The following SNED1 variants were observed in gnomAD, a reference collection of about 807,000 sequenced individuals.
The protein encoded by SNED1 is sushi, nidogen and EGF like domains 1, also known as sushi, nidogen and EGF-like domain-containing protein 1.
Under a neutral mutation model 166.7 loss-of-function variants are expected in SNED1, and 81 were observed. The observed-to-expected ratio is 0.49, with a 90% confidence interval of 0.41 to 0.58. The LOEUF (loss-of-function observed/expected upper bound fraction) is 0.58, where lower values mean the gene tolerates loss of function less well. Among genes scored for constraint, SNED1 ranks in the 20% least tolerant of loss-of-function variants. The pLI, the probability that SNED1 is intolerant of heterozygous loss-of-function variation, is 0.00. For synonymous variants in SNED1, 762 were observed against 822.0 expected (o/e 0.93, Z 1.25); for missense variants, 1,604 against 2,000.2 (o/e 0.80, Z 3.78).
intron 8 of SNED1, among the ~76,000 whole-genome samples, chr2:241,044,882 A>G (rs1236192219): frequency 6.6e-6 from 1 of 152,176 alleles, no homozygotes; most frequent in Non-Finnish European, 1.5e-5. Context: ...TAAAAGCCGC[A>G]GCGTTTTTGC....
chr2:241,071,616 A>T lies in SNED1; in HGVS notation c.3630A>T (p.Gly1210=). ...DGADRRWHQG[G]HHPRVLKNRP... ...CTGACAGACGCTGGCACCAGGGAGGACACCACCCTCGGGTGCTCAAGAACA... is the reference window on the plus strand; with the variant it reads ...CTGACAGACGCTGGCACCAGGGAGGTCACCACCCTCGGGTGCTCAAGAACA... Residue 1210 remains glycine, a synonymous_variant, in exon 25 of 32, where the codon GGA becomes GGT. Coordinates refer to ENST00000310397, the MANE Select transcript of SNED1 (RefSeq NM_001080437.3). 6.3e-7 allele frequency: 1 copy of T among 1,587,696 alleles called. No individual in the cohort carries two copies. Among genetic ancestry groups the T allele is most frequent in the East Asian group, 2.3e-5 (1 of 44,194 alleles).
chr2:241,067,188 C>G (rs553731437), intron 21 of SNED1, among the ~76,000 whole-genome samples: 1 of 152,334 alleles, frequency 6.6e-6, no homozygotes, highest in East Asian at 1.9e-4. Flanking sequence ...TGTCCACAGA[C>G]CGGGGTGCTG....
intron 16 of SNED1, among the ~76,000 whole-genome samples, chr2:241,062,076 C>G (rs2062251725): frequency 6.6e-6 from 1 of 151,980 alleles, no homozygotes; most frequent in South Asian, 2.1e-4. Context: ...GAATAAAGTT[C>G]ATAAACAACA....
intron 16 of SNED1, among the ~76,000 whole-genome samples, 174 bp downstream of exon 16, chr2:241,053,500 GTGATGA>G (rs2061945626): frequency 6.6e-6 from 1 of 152,240 alleles, no homozygotes; most frequent in Non-Finnish European, 1.5e-5. Context: ...GGTGACAGTG[GTGATGA>G]TCACAGTCAA....
intron 18 of SNED1, 147 bp downstream of exon 18, chr2:241,063,847 T>G (rs1575029375): frequency 1.6e-6 from 1 of 640,046 alleles, no homozygotes; most frequent in Non-Finnish European, 2.6e-6. Flanking sequence ...GAGGGAGGGG[T>G]GGAGGTGAGG....
At chr2:241,046,640 G>A (rs886147261) in intron 8 of SNED1, among the ~76,000 whole-genome samples, 14 of 152,176 alleles carry the variant, frequency 9.2e-5, no homozygotes, top group Non-Finnish European at 1.9e-4. Flanking sequence ...CAGGGACTGA[G>A]GGGTAACAGG....
At chr2:240,997,978 A>G (rs2059965146), upstream of SNED1, among the ~76,000 whole-genome samples, 1 of 152,190 alleles carries the variant, frequency 6.6e-6, no homozygotes, top group Non-Finnish European at 1.5e-5. Context: ...CCCACCTGCC[A>G]AGGCCGGTGT....
chr2:241,063,307 G>A (rs74000339), intron 17 of SNED1: 120,766 of 518,424 alleles, frequency 0.23, 15,540 homozygotes, highest in Middle Eastern at 0.28. Flanking sequence ...AAGGCCCAGG[G>A]AGCCGTGCCC....
intron 1 of SNED1, among the ~76,000 whole-genome samples, chr2:241,024,712 C>T (rs1331290009): frequency 8.3e-6 from 1 of 120,002 alleles, no homozygotes; most frequent in East Asian, 3.1e-4. Flanking sequence ...CGCTCTGTTG[C>T]CCAGGCTGGA....
At chr2:241,014,228 C>T (rs1429845893) in intron 1 of SNED1, among the ~76,000 whole-genome samples, 8 of 152,024 alleles carry the variant, frequency 5.3e-5, no homozygotes, top group East Asian at 1.9e-4. Context: ...AGGCTGGTCT[C>T]GAACTCCTGG....
At chr2:241,065,259 T>C (rs1264221383) in intron 20 of SNED1, 40 bp from the exon 21 acceptor site, 2 of 1,607,992 alleles carry the variant, frequency 1.2e-6, no homozygotes, top group East Asian at 2.2e-5. Context: ...AGCTAACGGC[T>C]GACCAGTCCC....
At chr2:241,002,516 T>A (rs760509082) in intron 1 of SNED1, among the ~76,000 whole-genome samples, 5 of 152,074 alleles carry the variant, frequency 3.3e-5, no homozygotes, top group Non-Finnish European at 5.9e-5. Context: ...TGCTGCTGCC[T>A]GGGTGTGACG....
chr2:241,064,268 C>T lies in SNED1; in HGVS notation c.2599+143C>T. 1.6e-6 allele frequency: 1 copy of T among 612,094 alleles called. No individual in the cohort carries two copies. Among genetic ancestry groups the T allele is most frequent in the East Asian group, 3.0e-5 (1 of 33,406 alleles). 37.9% of individuals were successfully genotyped at this position (612,094 alleles called of 1,614,324 possible). A position where few individuals can be genotyped will look rare whatever the true frequency, so the allele number is the denominator to read the frequency against. On this transcript the variant is annotated intron_variant, in intron 19 of 31. Transcript: ENST00000310397. The surrounding 1 kb of genome is among the most constrained non-coding windows in gnomAD (Gnocchi z 7.0). ...CCTCTGCCCGCCGCCTTGGAAGTCC[C>T]CTTCTCAGGCCAGTGGCCCTCCGCC...
At chr2:241,079,064 A>G (rs2063193825) in intron 27 of SNED1, among the ~76,000 whole-genome samples, 1 of 145,856 alleles carries the variant, frequency 6.9e-6, no homozygotes, top group Non-Finnish European at 1.5e-5. Context: ...CAGCGAGCCG[A>G]GATCGCACCA....
chr2:241,034,612 C>T lies in SNED1; in HGVS notation c.687C>T (p.Pro229=), dbSNP rs781017878. The T allele has an allele frequency of 6.8e-6, 11 of 1,611,364 alleles. No individual in the cohort carries two copies. The highest frequency in any genetic ancestry group is 4.0e-5 in the African/African-American group (3 of 75,034). ...ATGGGCAGCGTTACTTCAGTATCCC[C>T]GGCTCGCGCACAGCAGACATGGCCG... ...AGDGQRYFSI[P]GSRTADMAEV... is the part of the protein sequence containing the mutation. The change falls in exon 4 of 32, where the codon CCC becomes CCT. Residue 229 remains proline (P), a synonymous_variant. Coordinates refer to ENST00000310397, the MANE Select transcript of SNED1 (RefSeq NM_001080437.3).
chr2:241,033,800 G>A lies in SNED1; in HGVS notation c.567G>A (p.Glu189=), dbSNP rs1024183780. Residue 189 remains glutamate (E), a synonymous_variant, in exon 3 of 32, where the codon GAG becomes GAA. Coordinates refer to ENST00000310397, the MANE Select transcript of SNED1 (RefSeq NM_001080437.3). ...GKLSFTIFNY[E]SIVWTTGTHA... Reference sequence around the variant, plus strand: ...TCTCCTTCACCATCTTCAACTATGAGTCCATCGTGTGGACCACAGGCACAC... The same window carrying A: ...TCTCCTTCACCATCTTCAACTATGAATCCATCGTGTGGACCACAGGCACAC... 5 of 1,611,364 alleles carry A rather than the reference G, an allele frequency of 3.1e-6. No individual in the cohort carries two copies. The highest frequency in any genetic ancestry group is 4.2e-6 in the Non-Finnish European group (5 of 1,179,364).
chr2:241,007,944 C>T (rs529714760), intron 1 of SNED1, among the ~76,000 whole-genome samples: 1 of 152,322 alleles, frequency 6.6e-6, no homozygotes, highest in Admixed American at 6.5e-5. Context: ...ATAAACTGCC[C>T]CACGTGGGCT....
chr2:241,048,483 G>A, intron 9 of SNED1, 43 bp downstream of exon 9: 2 of 1,557,310 alleles, frequency 1.3e-6, no homozygotes, highest in Middle Eastern at 2.0e-4. Flanking sequence ...GGCTGGGGCA[G>A]GAGACCCAGG....
intron 21 of SNED1, among the ~76,000 whole-genome samples, chr2:241,066,287 C>G (rs1402404147): frequency 6.6e-6 from 1 of 152,110 alleles, no homozygotes; most frequent in South Asian, 2.1e-4. Context: ...GCTGAGCGCT[C>G]TAGGGAAGGC....
Sources: gnomAD v4.1 joint callset for allele counts (sites outside exome capture counted in the v4.1 genomes callset) on GRCh38, gnomAD v4.1.1 for gene constraint, Gnocchi (gnomAD v3.1) non-coding constraint, MANE v1.5 for transcripts, NCBI Gene and HGNC (gene_info 2026-07-23, HGNC 2026-07-21) for gene names.